Variants in RAPGEF5 observed in about 807,000 individuals in gnomAD.
RAPGEF5 encodes the protein Rap guanine nucleotide exchange factor 5, also known as M-Ras-regulated GEF.
In RAPGEF5, 65 loss-of-function variants were observed where a neutral mutation model predicts 125.2. The ratio of observed to expected loss-of-function variants is 0.52; its 90% CI spans 0.43 to 0.64. The LOEUF (loss-of-function observed/expected upper bound fraction) is 0.64, where lower values mean the gene tolerates loss of function less well. Ranked by LOEUF, RAPGEF5 falls within the 30% of genes least tolerant of loss-of-function variation. RAPGEF5 has a pLI of 0.00. For missense variants in RAPGEF5, 958 were observed against 1,048.1 expected (o/e 0.91, Z 1.19); for synonymous variants, 391 against 385.9 (o/e 1.01, Z -0.16).
chr7:22,256,597 G>C (rs1020517265), intron 7 of RAPGEF5, among the ~76,000 whole-genome samples: 3 of 152,122 alleles, frequency 2.0e-5, no homozygotes, highest in African/African-American at 7.2e-5. Context: ...CACTTAACTA[G>C]CTATGGGCTA....
chr7:22,261,530 T>C (rs917408103), intron 7 of RAPGEF5, among the ~76,000 whole-genome samples: 5 of 152,146 alleles, frequency 3.3e-5, no homozygotes, highest in Non-Finnish European at 7.4e-5. Context: ...GAAGACTGCT[T>C]GAGCCTGGGA....
chr7:22,264,709 G>C (rs1469823004), intron 7 of RAPGEF5, among the ~76,000 whole-genome samples: 1 of 152,128 alleles, frequency 6.6e-6, no homozygotes, highest in Non-Finnish European at 1.5e-5. Context: ...CTCTAAATCA[G>C]AGGCTTTCCA....
chr7:22,224,498 G>T (rs1325696205), intron 8 of RAPGEF5, among the ~76,000 whole-genome samples: 1 of 152,100 alleles, frequency 6.6e-6, no homozygotes, highest in African/African-American at 2.4e-5. Flanking sequence ...ACACTGTCCT[G>T]GCGGTGGAGG....
At chr7:22,339,647 C>T (rs1307514685) in intron 1 of RAPGEF5, among the ~76,000 whole-genome samples, 2 of 152,222 alleles carry the variant, frequency 1.3e-5, no homozygotes, top group African/African-American at 4.8e-5. Context: ...CTGCAGTACA[C>T]ACAACAACTA....
At chr7:22,172,344 G>A (rs13245150) in intron 11 of RAPGEF5, among the ~76,000 whole-genome samples, 9,469 of 151,880 alleles carry the variant, frequency 0.062, 415 homozygotes, top group Non-Finnish European at 0.096. Context: ...GGTTGGTCTC[G>A]AACTCCTGAC....
At chr7:22,287,026 T>C (rs1004143907) in intron 6 of RAPGEF5, among the ~76,000 whole-genome samples, 2 of 152,242 alleles carry the variant, frequency 1.3e-5, no homozygotes, top group African/African-American at 4.8e-5. Flanking sequence ...GCTAAGCTGA[T>C]AAGTTAGAAT....
rs1783058490 is a variant in RAPGEF5, at chr7:22,135,676, T to C, written c.2416+362A>G. Reference sequence around the variant, plus strand: ...TTTAGGTTGCAAAAATAGAACATGATTGATCACCATTTGGGTTCTTTATGC... The same window carrying C: ...TTTAGGTTGCAAAAATAGAACATGACTGATCACCATTTGGGTTCTTTATGC... On this transcript the variant is annotated intron_variant, in intron 23 of 25. Coordinates refer to ENST00000665637, the MANE Select transcript of RAPGEF5 (RefSeq NM_012294.5). Among the ~76,000 whole-genome samples, 4 of 152,190 alleles carry C rather than the reference T, an allele frequency of 2.6e-5. No individual in the cohort carries two copies. The South Asian group carries it at 6.2e-4, about 24-fold the overall frequency.
At chr7:22,272,241 GC>G (rs1390554079) in intron 6 of RAPGEF5, among the ~76,000 whole-genome samples, 1 of 151,068 alleles carries the variant, frequency 6.6e-6, no homozygotes, top group East Asian at 1.9e-4. Flanking sequence ...TACTCGGGAG[GC>G]CTAGGCAGGA....
intron 7 of RAPGEF5, among the ~76,000 whole-genome samples, chr7:22,254,232 T>C (rs1282906638): frequency 6.6e-6 from 1 of 151,826 alleles, no homozygotes; most frequent in Non-Finnish European, 1.5e-5. Flanking sequence ...CTCTAAGTTT[T>C]CCAAAATCGT....
intron 1 of RAPGEF5, among the ~76,000 whole-genome samples, chr7:22,333,994 A>C (rs189049337): frequency 6.7e-6 from 1 of 148,718 alleles, no homozygotes; most frequent in Non-Finnish European, 1.5e-5. Context: ...TGTGCATGGG[A>C]GCGGCTGGCT....
At chr7:22,166,502 CTTAACTGGTCA>C (rs1291041088) in intron 12 of RAPGEF5, among the ~76,000 whole-genome samples, 1 of 152,160 alleles carries the variant, frequency 6.6e-6, no homozygotes, top group Non-Finnish European at 1.5e-5. Context: ...ATAAGGCTTC[CTTAACTGGTCA>C]TTAACCTTCT....
intron 8 of RAPGEF5, among the ~76,000 whole-genome samples, chr7:22,226,188 T>C (rs1785914513): frequency 6.6e-6 from 1 of 152,216 alleles, no homozygotes; most frequent in South Asian, 2.1e-4. Flanking sequence ...AGTCCACCTT[T>C]CATGAAAGCA....
intron 1 of RAPGEF5, among the ~76,000 whole-genome samples, chr7:22,328,724 C>T (rs1783858812): frequency 6.6e-6 from 1 of 152,184 alleles, no homozygotes; most frequent in Non-Finnish European, 1.5e-5. Context: ...CAAAACCCTG[C>T]TCCCACAGTC....
chr7:22,211,614 G>A (rs1165833880), intron 9 of RAPGEF5, among the ~76,000 whole-genome samples: 5 of 152,190 alleles, frequency 3.3e-5, no homozygotes, highest in Admixed American at 1.3e-4. Context: ...ATGTGAAATC[G>A]ACAGAGAGGA....
chr7:22,234,617 A>G (rs974945740), intron 7 of RAPGEF5, among the ~76,000 whole-genome samples: 2 of 152,216 alleles, frequency 1.3e-5, no homozygotes, highest in African/African-American at 4.8e-5. Context: ...AGAACTAAGC[A>G]TGTATGTGGA....
intron 4 of RAPGEF5, 129 bp from the exon 5 acceptor site, chr7:22,308,636 T>G (rs1176606860): frequency 8.2e-6 from 6 of 729,114 alleles, no homozygotes; most frequent in Non-Finnish European, 1.2e-5. Context: ...TTATACATTC[T>G]AAGCTCATTC....
chr7:22,227,033 T>C (rs1035985979), intron 8 of RAPGEF5, among the ~76,000 whole-genome samples: 1 of 151,538 alleles, frequency 6.6e-6, no homozygotes, highest in Non-Finnish European at 1.5e-5. Context: ...ATTTACATAA[T>C]ATATAGTATT....
At chr7:22,188,554 CAA>C (rs907012774) in intron 11 of RAPGEF5, among the ~76,000 whole-genome samples, 5 of 152,022 alleles carry the variant, frequency 3.3e-5, no homozygotes, top group African/African-American at 1.2e-4. Context: ...ATCACGAGGT[CAA>C]GAGATTGAGA....
chr7:22,248,013 C>T (rs528305515), intron 7 of RAPGEF5, among the ~76,000 whole-genome samples: 69 of 152,260 alleles, frequency 4.5e-4, no homozygotes, highest in African/African-American at 1.5e-3. Context: ...AAAACTATTA[C>T]GTACCATGCT....
Sources: allele counts gnomAD v4.1 joint callset (sites outside exome capture counted in the v4.1 genomes callset), GRCh38; gene constraint gnomAD v4.1.1; transcripts MANE v1.5; gene names NCBI Gene and HGNC (gene_info 2026-07-23, HGNC 2026-07-21).